PTPRD: variants seen among roughly 807,000 people sequenced by gnomAD.
The protein encoded by PTPRD is receptor-type tyrosine-protein phosphatase delta.
Under a neutral mutation model 214.5 loss-of-function variants are expected in PTPRD, and 34 were observed. The ratio of observed to expected loss-of-function variants is 0.16; its 90% CI spans 0.12 to 0.21. The LOEUF is 0.21. Ranked by LOEUF, PTPRD falls within the 10% of genes least tolerant of loss-of-function variation. PTPRD has a pLI of 1.00. For missense variants in PTPRD, 2,545 were observed against 2,398.7 expected (o/e 1.06, Z -1.27); for synonymous variants, 1,128 against 845.7 (o/e 1.33, Z -5.79).
At chr9:10,246,359 T>C (rs2092101300) in intron 3 of PTPRD, among the ~76,000 whole-genome samples, 1 of 152,132 alleles carries the variant, frequency 6.6e-6, no homozygotes. Flanking sequence ...TTCTCCTGCC[T>C]CAGCCTCCCA....
At chr9:9,790,537 T>C (rs1405608571) in intron 5 of PTPRD, among the ~76,000 whole-genome samples, 1 of 152,222 alleles carries the variant, frequency 6.6e-6, no homozygotes, top group Non-Finnish European at 1.5e-5. Flanking sequence ...ATTCTGTTGC[T>C]AATTAAACAA....
intron 11 of PTPRD, among the ~76,000 whole-genome samples, chr9:8,806,515 C>T (rs969683788): frequency 6.6e-6 from 1 of 152,118 alleles, no homozygotes; most frequent in Non-Finnish European, 1.5e-5. Flanking sequence ...ATCTTACCCC[C>T]TTTTACATTG....
At chr9:9,399,891 C>T (rs1350176683) in intron 8 of PTPRD, among the ~76,000 whole-genome samples, 6 of 151,960 alleles carry the variant, frequency 3.9e-5, no homozygotes, top group Non-Finnish European at 8.8e-5. Context: ...TACTAAATTA[C>T]CCAGTCTTGG....
intron 6 of PTPRD, among the ~76,000 whole-genome samples, chr9:9,760,382 G>C (rs1444724665): frequency 3.3e-5 from 5 of 151,988 alleles, no homozygotes. Flanking sequence ...AAATTTTTGA[G>C]GGTAAAACAT....
At chr9:9,374,870 T>C (rs2060381816) in intron 9 of PTPRD, among the ~76,000 whole-genome samples, 1 of 152,170 alleles carries the variant, frequency 6.6e-6, no homozygotes, top group Non-Finnish European at 1.5e-5. Flanking sequence ...ATGAAAGAAA[T>C]TATTGTTATT....
At position 8,485,921 on chromosome 9, in the gene PTPRD, G is replaced by C. The variant is rs954068490; in HGVS notation, c.2896C>G (p.Leu966Val). The change falls in exon 28 of 46, where the codon CTC (leucine) becomes GTC (valine). Residue 966 changes from leucine to valine, a missense_variant. By Grantham distance (32) the Leu-to-Val change is conservative. Transcript: ENST00000381196. Reference protein sequence around the residue: ...LLYRDINIPLLPMEQLIVPAD... With the variant: ...LLYRDINIPLVPMEQLIVPAD... ...GGAACAATAAGCTGCTCCATCGGGA[G>C]AAGGGGGATGTTGATATCCCTATAA... 1.2e-6 allele frequency: 2 copies of C among 1,614,208 alleles called. No individual in the cohort carries two copies. Among genetic ancestry groups the C allele is most frequent in the African/African-American group, 1.3e-5 (1 of 75,038 alleles).
At chr9:9,148,567 T>C (rs2099872570) in intron 10 of PTPRD, among the ~76,000 whole-genome samples, 1 of 152,166 alleles carries the variant, frequency 6.6e-6, no homozygotes, top group African/African-American at 2.4e-5. Context: ...CTATTGAAGA[T>C]GAGACTGCTT....
intron 12 of PTPRD, among the ~76,000 whole-genome samples, chr9:8,726,451 G>T (rs371072352): frequency 6.7e-6 from 1 of 149,928 alleles, no homozygotes; most frequent in Admixed American, 6.7e-5. Flanking sequence ...AGCCAAGAAG[G>T]CCGGGTGTGG....
At chr9:8,356,863 C>A (rs965909869) in intron 39 of PTPRD, among the ~76,000 whole-genome samples, 1 of 151,968 alleles carries the variant, frequency 6.6e-6, no homozygotes, top group Non-Finnish European at 1.5e-5. Flanking sequence ...TATCCAACTG[C>A]AACATAGGTC....
intron 2 of PTPRD, among the ~76,000 whole-genome samples, chr9:10,507,156 GACAA>G (rs1440826372): frequency 2.4e-4 from 37 of 152,232 alleles, no homozygotes; most frequent in Middle Eastern, 3.4e-3. Flanking sequence ...ACCAATAACA[GACAA>G]ACAGAGAGCC....
intron 5 of PTPRD, among the ~76,000 whole-genome samples, chr9:9,770,082 A>G (rs1007516504): frequency 1.1e-4 from 17 of 152,122 alleles, no homozygotes; most frequent in African/African-American, 4.1e-4. Flanking sequence ...TGTGCATGTG[A>G]CTTTATAGTA....
At chr9:8,498,509 C>A (rs1256510389) in intron 25 of PTPRD, among the ~76,000 whole-genome samples, 1 of 152,184 alleles carries the variant, frequency 6.6e-6, no homozygotes. Context: ...ATCTCTTGAC[C>A]AGGGGATCCG....
At chr9:9,272,373 A>T (rs549320376) in intron 9 of PTPRD, among the ~76,000 whole-genome samples, 2 of 151,352 alleles carry the variant, frequency 1.3e-5, no homozygotes, top group Non-Finnish European at 3.0e-5. Flanking sequence ...TGTGAAATCC[A>T]AAATATTTCC....
chr9:8,706,963 G>C (rs1333684737), intron 12 of PTPRD, among the ~76,000 whole-genome samples: 1 of 152,142 alleles, frequency 6.6e-6, no homozygotes, highest in Non-Finnish European at 1.5e-5. Flanking sequence ...TGAAATGGCA[G>C]TTCTTATGGG....
chr9:9,030,433 C>A (rs953178028), intron 10 of PTPRD, among the ~76,000 whole-genome samples: 7 of 151,736 alleles, frequency 4.6e-5, no homozygotes, highest in Non-Finnish European at 4.4e-5. Context: ...TCAACACTTA[C>A]CACAGACAGA....
At chr9:9,075,829 T>C (rs562877972) in intron 10 of PTPRD, among the ~76,000 whole-genome samples, 1 of 152,258 alleles carries the variant, frequency 6.6e-6, no homozygotes, top group African/African-American at 2.4e-5. Flanking sequence ...ATTTGGCTTC[T>C]TTCCAAGTCT....
chr9:9,352,371 G>A (rs76776875), intron 9 of PTPRD, among the ~76,000 whole-genome samples: 1,794 of 147,466 alleles, frequency 0.012, 31 homozygotes, highest in African/African-American at 0.036. Context: ...GTGTGTGTGT[G>A]TATATATATA....
intron 5 of PTPRD, among the ~76,000 whole-genome samples, chr9:9,824,424 C>T (rs1003385757): frequency 3.3e-5 from 5 of 151,956 alleles, no homozygotes; most frequent in African/African-American, 1.2e-4. Flanking sequence ...GTCATACCTA[C>T]CATTCATACT....
At chr9:10,558,061 G>C (rs1469913899) in intron 2 of PTPRD, among the ~76,000 whole-genome samples, 1 of 152,076 alleles carries the variant, frequency 6.6e-6, no homozygotes, top group East Asian at 1.9e-4. Context: ...AATTTCTATG[G>C]TTGTATCTGA....
Sources: gnomAD v4.1 joint callset for allele counts (sites outside exome capture counted in the v4.1 genomes callset) on GRCh38, gnomAD v4.1.1 for gene constraint, MANE v1.5 for transcripts, NCBI Gene and HGNC (gene_info 2026-07-23, HGNC 2026-07-21) for gene names.